The following MRTFA variants were observed in gnomAD, a reference collection of about 807,000 sequenced individuals.
MRTFA encodes myocardin-related transcription factor A.
In MRTFA, 20 loss-of-function variants were observed where a neutral mutation model predicts 83.5. The ratio of observed to expected loss-of-function variants is 0.24; its 90% confidence interval spans 0.17 to 0.35. The LOEUF (loss-of-function observed/expected upper bound fraction) is 0.35, where lower values mean the gene tolerates loss of function less well. Among genes scored for constraint, MRTFA ranks in the 10% least tolerant of loss-of-function variants. The pLI is 1.00. For missense variants in MRTFA, 1,200 were observed against 1,224.7 expected (o/e 0.98, Z 0.30); for synonymous variants, 659 against 541.2 (o/e 1.22, Z -3.02).
At chr22:40,561,685 C>CAA in intron 2 of MRTFA, among the ~76,000 whole-genome samples, 1 of 152,150 alleles carries the variant, frequency 6.6e-6, no homozygotes, top group East Asian at 1.9e-4. Flanking sequence ...ACGAGGAGTA[C>CAA]AAGCAACAGA....
chr22:40,463,603 C>T (rs1324795366), intron 3 of MRTFA, among the ~76,000 whole-genome samples: 2 of 152,134 alleles, frequency 1.3e-5, no homozygotes, highest in East Asian at 1.9e-4. Flanking sequence ...AAAAACACCT[C>T]TTCCAAACTC....
intron 14 of MRTFA, among the ~76,000 whole-genome samples, chr22:40,415,904 G>C (rs58715731): frequency 1.3e-5 from 2 of 151,546 alleles, no homozygotes; most frequent in African/African-American, 4.9e-5. Flanking sequence ...TTGTCCTCCC[G>C]ACCCCCAAGG....
At chr22:40,512,925 T>C (rs974850398) in intron 3 of MRTFA, among the ~76,000 whole-genome samples, 13 of 152,254 alleles carry the variant, frequency 8.5e-5, no homozygotes, top group African/African-American at 2.9e-4. Flanking sequence ...TTATGAACAT[T>C]TGTTAAACTA....
chr22:40,465,108 CCACT>C (rs2053791699), intron 3 of MRTFA, among the ~76,000 whole-genome samples: 2 of 152,170 alleles, frequency 1.3e-5, no homozygotes, highest in Admixed American at 6.5e-5. Context: ...CTGAACTTCC[CCACT>C]CACTCCACAG....
intron 2 of MRTFA, chr22:40,587,386 G>A (rs923328026): frequency 2.1e-5 from 8 of 381,080 alleles, no homozygotes; most frequent in African/African-American, 1.3e-4. Flanking sequence ...CATTAGAGAC[G>A]ATGCAGGGTC....
intron 3 of MRTFA, among the ~76,000 whole-genome samples, chr22:40,515,667 CA>C (rs2054746159): frequency 6.6e-6 from 1 of 152,038 alleles, no homozygotes; most frequent in Admixed American, 6.6e-5. Flanking sequence ...ACCTAGAAAG[CA>C]AAGAGAAAAC....
chr22:40,515,556 G>T (rs2054743936), intron 3 of MRTFA, among the ~76,000 whole-genome samples: 1 of 152,034 alleles, frequency 6.6e-6, no homozygotes, highest in Non-Finnish European at 1.5e-5. Flanking sequence ...GGCTGGGCGT[G>T]GTGGCATGCA....
At position 40,416,463 on chromosome 22, in the gene MRTFA, T is replaced by G. The variant is rs545067821; in HGVS notation, c.2578+523A>C. 1.3e-5 allele frequency among the ~76,000 whole-genome samples: 2 copies of G among 152,358 alleles called. No individual in the cohort carries two copies. The highest frequency in any genetic ancestry group is 1.3e-4 in the Admixed American group (2 of 15,312). ...CAATGGAGCCAAAGCCACCCTGCCC[T>G]GGTGCCCAGGAGGCCACGCATGATC... On this transcript the variant is annotated intron_variant, in intron 14 of 14. Transcript: ENST00000355630. The surrounding 1 kb of genome is among the most constrained non-coding windows in gnomAD (Gnocchi z 4.2).
In MRTFA at chr22:40,582,669, C is replaced by T. The variant is rs559944403; in HGVS notation, c.-22+12005G>A. On this transcript the variant is annotated intron_variant, in intron 2 of 14. Coordinates refer to ENST00000355630, the MANE Select transcript of MRTFA (RefSeq NM_020831.6). The stretch of plus-strand genomic sequence containing the variant: ...GGTTTTAACTTTATACACACATACA[C>T]ACACACACACACACACACACACACA... Among the ~76,000 whole-genome samples, 1,027 of 115,486 alleles carry T rather than the reference C, an allele frequency of 8.9e-3. 11 individuals carry two copies. The highest frequency in any genetic ancestry group is 0.035 in the African/African-American group (990 of 27,894). 75.8% of individuals were successfully genotyped at this position (115,486 alleles called of 152,430 possible).
intron 3 of MRTFA, among the ~76,000 whole-genome samples, chr22:40,500,923 G>T (rs1427105826): frequency 2.1e-5 from 3 of 141,858 alleles, no homozygotes; most frequent in African/African-American, 8.0e-5. Flanking sequence ...CCTCCCAGAC[G>T]GGGTGGTGGC....
At position 40,420,914 on chromosome 22, in the gene MRTFA, G is replaced by C. The variant is rs1569254247; in HGVS notation, c.1114C>G (p.Leu372Val). 1.2e-6 allele frequency: 2 copies of C among 1,614,206 alleles called. No homozygotes were observed. The highest frequency in any genetic ancestry group is 1.7e-6 in the Non-Finnish European group (2 of 1,180,016). ...TGCTGCTGCTGGTTGAGGATCTGCA[G>C]CTGGAGGAAGAGCTGCTGCTGCTGC... The change falls in exon 10 of 15, where the codon CTG (leucine) becomes GTG (valine). Residue 372 changes from leucine to valine, a missense_variant. Physicochemically the swap from Leu to Val is conservative, Grantham distance 32. Transcript: ENST00000355630.
rs1255198524 is a variant in MRTFA, at chr22:40,410,994, GGA to G, written c.*394_*395del. On this transcript the variant is annotated 3_prime_UTR_variant, in exon 15 of 15. Transcript: ENST00000355630. Reference sequence around the variant, plus strand: ...ACAGCAAAGCAGGGAGAGAAAGGAAGGAGATTCACCCCTTAACCTGTCTCAGC... The same window carrying G: ...ACAGCAAAGCAGGGAGAGAAAGGAAGGATTCACCCCTTAACCTGTCTCAGC... 8.3e-6 allele frequency: 2 copies of G among 242,422 alleles called. No individual in the cohort carries two copies. Among genetic ancestry groups the G allele is most frequent in the East Asian group, 6.0e-5 (1 of 16,754 alleles). The allele number at this position is 242,422 out of a possible 1,614,324, so 15.0% of individuals were successfully genotyped here.
intron 3 of MRTFA, chr22:40,533,806 C>T (rs1354798104): frequency 2.7e-5 from 11 of 403,432 alleles, no homozygotes; most frequent in African/African-American, 1.0e-4. Context: ...ACCCTTCAGG[C>T]GAGTCAAGAT....
intron 7 of MRTFA, among the ~76,000 whole-genome samples, chr22:40,426,309 T>C (rs1021474856): frequency 5.9e-5 from 9 of 152,070 alleles, no homozygotes; most frequent in Non-Finnish European, 8.8e-5. Context: ...CTCCTCTTCC[T>C]CTGAAGGTGC....
At chr22:40,413,665 G>C (rs191048842) in intron 14 of MRTFA, among the ~76,000 whole-genome samples, 3 of 152,170 alleles carry the variant, frequency 2.0e-5, no homozygotes, top group African/African-American at 7.2e-5. Context: ...GGATGGTCTC[G>C]ATCTCCTGAC....
chr22:40,417,434 G>C lies in MRTFA; in HGVS notation c.2424C>G (p.His808Gln). The change falls in exon 13 of 15, where the codon CAC becomes CAG. Residue 808 changes from histidine (H) to glutamine (Q), a missense_variant. Physicochemically the swap from His to Gln is conservative, Grantham distance 24 (BLOSUM62 0). Transcript: ENST00000355630. ...GGGTCCCAAAGAGGGGCTGCAGTGG[G>C]TGCTCCAGGTCCATCTGGGCAGAGG... The C allele has an allele frequency of 6.2e-7, 1 of 1,607,300 alleles. No individual in the cohort carries two copies. The highest frequency in any genetic ancestry group is 8.5e-7 in the Non-Finnish European group (1 of 1,177,854).
chr22:40,413,361 G>C (rs994946225), intron 14 of MRTFA, among the ~76,000 whole-genome samples: 1 of 144,312 alleles, frequency 6.9e-6, no homozygotes. Context: ...TTTTTTTTGA[G>C]ACTTGAGTCT....
intron 1 of MRTFA, among the ~76,000 whole-genome samples, chr22:40,632,291 A>G (rs1344874904): frequency 6.8e-6 from 1 of 146,984 alleles, no homozygotes; most frequent in African/African-American, 2.5e-5. Flanking sequence ...TATTACTGCA[A>G]TTTTTTTTTT....
intron 1 of MRTFA, among the ~76,000 whole-genome samples, chr22:40,610,865 G>A (rs1249644851): frequency 6.6e-6 from 1 of 151,426 alleles, no homozygotes; most frequent in Non-Finnish European, 1.5e-5. Context: ...AGGAAGAGGT[G>A]AGTCTGAAAA....
Sources: gnomAD v4.1 joint callset for allele counts (sites outside exome capture counted in the v4.1 genomes callset) on GRCh38, gnomAD v4.1.1 for gene constraint, Gnocchi (gnomAD v3.1) non-coding constraint, MANE v1.5 for transcripts, NCBI Gene and HGNC (gene_info 2026-07-23, HGNC 2026-07-21) for gene names.